WWC2: variants seen among roughly 807,000 people sequenced by gnomAD.
The protein encoded by WWC2 is WW and C2 domain containing 2.
Under a neutral mutation model 138.5 loss-of-function variants are expected in WWC2, and 101 were observed. The ratio of observed to expected loss-of-function variants is 0.73; its 90% CI spans 0.62 to 0.86. WWC2 has a LOEUF of 0.86. Among genes scored for constraint, WWC2 ranks in the 40% least tolerant of loss-of-function variants. The probability of loss-of-function intolerance (pLI) is 0.00; values close to 1 mark genes in which losing one functional copy is unlikely to be tolerated. For missense variants in WWC2, 1,420 were observed against 1,419.4 expected, an observed-to-expected ratio of 1.00 and a Z score of -0.01; for synonymous variants, 558 against 538.4, an observed-to-expected ratio of 1.04 and a Z score of -0.50.
At position 183,310,851 on chromosome 4, in the gene WWC2, A is replaced by AAAT. The variant is rs397934054; in HGVS notation, c.3385-1490_3385-1489insAAT. Among the ~76,000 whole-genome samples the AAAT allele has an allele frequency of 2.5e-4, 38 of 150,880 alleles. No individual in the cohort carries two copies. In the East Asian group the frequency reaches 7.2e-3, roughly 28 times the overall value. On this transcript the variant is annotated intron_variant, in intron 21 of 22. Transcript: ENST00000403733. ...ATATTGTAAAAAAAAAAAAAAAAAA[A>AAAT]GCAACAGTAATAGCTTCATTCTGAA...
intron 21 of WWC2, among the ~76,000 whole-genome samples, chr4:183,295,322 GAC>G (rs1349480276): frequency 6.6e-6 from 1 of 152,092 alleles, no homozygotes; most frequent in Non-Finnish European, 1.5e-5. Context: ...TCATCTTGTT[GAC>G]CAGCCATGAT....
chr4:183,106,280 G>A (rs987927588), intron 1 of WWC2, among the ~76,000 whole-genome samples: 5 of 152,004 alleles, frequency 3.3e-5, no homozygotes, highest in Admixed American at 6.6e-5. Context: ...CACCACGCCC[G>A]GCTGAGGAAA....
intron 1 of WWC2, among the ~76,000 whole-genome samples, chr4:183,106,450 C>A (rs1743364493): frequency 6.6e-6 from 1 of 151,870 alleles, no homozygotes; most frequent in South Asian, 2.1e-4. Context: ...TCATTTTAAC[C>A]ATTTTGAAGA....
At chr4:183,187,399 C>T (rs1734838939) in intron 1 of WWC2, among the ~76,000 whole-genome samples, 1 of 150,138 alleles carries the variant, frequency 6.7e-6, no homozygotes, top group South Asian at 2.1e-4. Flanking sequence ...ACTAAAAATA[C>T]AAAAATTAGC....
chr4:183,288,794 A>G (rs1027024034), intron 20 of WWC2, among the ~76,000 whole-genome samples: 1 of 152,184 alleles, frequency 6.6e-6, no homozygotes, highest in African/African-American at 2.4e-5. Flanking sequence ...AAGGAAGGCA[A>G]CTCAGTTTAA....
At chr4:183,195,177 C>G (rs1403098593) in intron 2 of WWC2, among the ~76,000 whole-genome samples, 1 of 152,156 alleles carries the variant, frequency 6.6e-6, no homozygotes, top group Non-Finnish European at 1.5e-5. Context: ...CGGTGTCTCA[C>G]CCTTATGTCA....
At chr4:183,268,889 T>A (rs958556171) in intron 14 of WWC2, 82 bp from the exon 15 acceptor site, 1 of 1,367,714 alleles carries the variant, frequency 7.3e-7, no homozygotes, top group African/African-American at 1.4e-5. Context: ...TTTTCTCTCT[T>A]TGCAGATAAT....
rs115621552 is a variant in WWC2, at chr4:183,111,854, C to T, written c.131+12232C>T. Among the ~76,000 whole-genome samples, 542 of 152,028 alleles carry T rather than the reference C, an allele frequency of 3.6e-3. 1 individual carries two copies. The highest frequency in any genetic ancestry group is 0.013 in the African/African-American group (520 of 41,486). ...GGACTACAGGGGTGCGGCACAACACCTGGCTAAGTTTTTTTGTACTTTTTG... is the reference window on the plus strand; with the variant it reads ...GGACTACAGGGGTGCGGCACAACACTTGGCTAAGTTTTTTTGTACTTTTTG... On this transcript the variant is annotated intron_variant, in intron 1 of 22. Transcript: ENST00000403733.
At chr4:183,293,156 T>C (rs551942371) in intron 21 of WWC2, among the ~76,000 whole-genome samples, 2 of 152,318 alleles carry the variant, frequency 1.3e-5, no homozygotes, top group South Asian at 2.1e-4. Flanking sequence ...GGTTTTGCCA[T>C]GTTGGCCAGA....
chr4:183,126,580 T>G (rs908185147), intron 1 of WWC2, among the ~76,000 whole-genome samples: 7 of 152,042 alleles, frequency 4.6e-5, no homozygotes, highest in African/African-American at 1.7e-4. Context: ...GGCAGCAGAG[T>G]TTCCTTAGCA....
At chr4:183,173,591 T>A (rs530373832) in intron 1 of WWC2, among the ~76,000 whole-genome samples, 1 of 151,778 alleles carries the variant, frequency 6.6e-6, no homozygotes, top group Admixed American at 6.6e-5. Context: ...CCTGCCTCCA[T>A]CTGACTTGTT....
intron 1 of WWC2, among the ~76,000 whole-genome samples, chr4:183,119,672 T>G (rs941920460): frequency 5.3e-5 from 8 of 152,198 alleles, no homozygotes; most frequent in Admixed American, 3.3e-4. Flanking sequence ...TTTTTTTGGT[T>G]AAGATGTCAG....
intron 13 of WWC2, 47 bp downstream of exon 13, chr4:183,265,815 G>T: frequency 6.2e-7 from 1 of 1,607,888 alleles, no homozygotes; most frequent in Non-Finnish European, 8.5e-7. Context: ...TCTGTGCAGG[G>T]CAAGTGGCCT....
chr4:183,131,563 C>A (rs189472971), intron 1 of WWC2, among the ~76,000 whole-genome samples: 17 of 152,236 alleles, frequency 1.1e-4, no homozygotes, highest in Admixed American at 9.8e-4. Flanking sequence ...TTGATTGTTA[C>A]AAGTTCCTTA....
At chr4:183,292,542 C>G (rs147856985) in intron 21 of WWC2, among the ~76,000 whole-genome samples, 94 of 151,588 alleles carry the variant, frequency 6.2e-4, no homozygotes, top group African/African-American at 2.2e-3. Context: ...GGACATACGT[C>G]TAGGAAAATC....
chr4:183,179,223 G>T (rs371626751), intron 1 of WWC2, among the ~76,000 whole-genome samples: 1 of 152,320 alleles, frequency 6.6e-6, no homozygotes, highest in Admixed American at 6.5e-5. Context: ...CCCGGTGGTC[G>T]TGGATACTTC....
intron 1 of WWC2, among the ~76,000 whole-genome samples, chr4:183,134,761 G>A (rs1733056647): frequency 6.6e-6 from 1 of 151,868 alleles, no homozygotes; most frequent in South Asian, 2.1e-4. Context: ...CCCTTTTATT[G>A]TTATGTAATA....
In WWC2 at chr4:183,269,170, T is replaced by C. The variant is rs542795602; in HGVS notation, c.2400+7T>C. The C allele has an allele frequency of 6.3e-7, 1 of 1,595,280 alleles. No individual in the cohort carries two copies. The highest frequency in any genetic ancestry group is 2.2e-5 in the East Asian group (1 of 44,542). On this transcript the variant is annotated splice_region_variant and intron_variant, in intron 15 of 22. Coordinates refer to ENST00000403733, the MANE Select transcript of WWC2 (RefSeq NM_024949.6). ...CCGAAGGGAAGAATGCCTGGTAGGA[T>C]TCTTCATAATTCCCATTACCAAATA...
chr4:183,209,060 C>T (rs1275569390), intron 4 of WWC2, 35 bp downstream of exon 4: 1 of 1,422,156 alleles, frequency 7.0e-7, no homozygotes, highest in Non-Finnish European at 9.7e-7. Context: ...TATGTTGACC[C>T]ATATGCATAG....
Sources: allele counts gnomAD v4.1 joint callset (sites outside exome capture counted in the v4.1 genomes callset), GRCh38; gene constraint gnomAD v4.1.1; transcripts MANE v1.5; gene names NCBI Gene and HGNC (gene_info 2026-07-23, HGNC 2026-07-21).